DAB1: variants seen among roughly 807,000 people sequenced by gnomAD.
DAB1 encodes the protein DAB adaptor protein 1.
In DAB1, 15 loss-of-function variants were observed where a neutral mutation model predicts 64.6. The observed-to-expected ratio is 0.23, with a 90% CI of 0.16 to 0.36. The LOEUF (loss-of-function observed/expected upper bound fraction) is 0.36. Among genes scored for constraint, DAB1 ranks in the 10% least tolerant of loss-of-function variants. DAB1 has a pLI of 1.00. For synonymous variants in DAB1, 235 were observed against 251.9 expected (o/e 0.93, Z 0.64); for missense variants, 596 against 706.7 (o/e 0.84, Z 1.78).
chr1:57,967,281 T>C (rs925894405), intron 5 of DAB1, among the ~76,000 whole-genome samples: 2 of 152,198 alleles, frequency 1.3e-5, no homozygotes, highest in African/African-American at 4.8e-5. Context: ...GGGTAGTTAC[T>C]TGGTTACACT....
chr1:57,796,681 G>A (rs59589585), intron 6 of DAB1, among the ~76,000 whole-genome samples: 2,108 of 152,278 alleles, frequency 0.014, 49 homozygotes, highest in African/African-American at 0.048. Context: ...GCAAAGGGGA[G>A]CTGAGTCATT....
intron 5 of DAB1, among the ~76,000 whole-genome samples, chr1:57,988,138 T>A (rs993877127): frequency 6.6e-6 from 1 of 152,076 alleles, no homozygotes; most frequent in African/African-American, 2.4e-5. Flanking sequence ...CCTGACCACA[T>A]ACATGCGGCC....
chr1:57,954,474 C>T (rs1182662872), intron 5 of DAB1, among the ~76,000 whole-genome samples: 1 of 152,068 alleles, frequency 6.6e-6, no homozygotes, highest in Non-Finnish European at 1.5e-5. Flanking sequence ...AATGATCATG[C>T]TTCAGCCTCA....
Position 57,517,196 on chromosome 1 carries a change from C to G in DAB1, n.625+132396G>C, listed in dbSNP as rs564656249. ...ATTTTTTTTGAGGCAGGGTCTTGCT[C>G]TGTTGCCCAGGCTGGAGTACAGTGG... is the stretch of plus-strand genomic sequence containing the variant. On this transcript the variant is annotated intron_variant and non_coding_transcript_variant, in intron 7 of 20. Transcript: ENST00000485760. 7.9e-5 allele frequency among the ~76,000 whole-genome samples: 12 copies of G among 151,996 alleles called. No individual in the cohort carries two copies. In the South Asian group the frequency reaches 2.3e-3, roughly 29 times the overall value.
chr1:58,048,505 T>C (rs919041965), intron 5 of DAB1: 39 of 1,323,740 alleles, frequency 2.9e-5, no homozygotes, highest in Non-Finnish European at 4.0e-5. Flanking sequence ...AGCCTCTGCT[T>C]CCTCCAGAGT....
chr1:57,264,097 A>G (rs1670401597), intron 2 of DAB1, among the ~76,000 whole-genome samples: 2 of 152,172 alleles, frequency 1.3e-5, no homozygotes, highest in South Asian at 4.1e-4. Flanking sequence ...GCATTAATCC[A>G]TTTATTAATA....
intron 5 of DAB1, among the ~76,000 whole-genome samples, chr1:58,090,285 A>T (rs1278091888): frequency 6.6e-6 from 1 of 151,934 alleles, no homozygotes; most frequent in Non-Finnish European, 1.5e-5. Context: ...TCATTTAATC[A>T]CTCTATCAAC....
chr1:57,861,253 A>G (rs1375527470), intron 1 of DAB1, among the ~76,000 whole-genome samples: 2 of 152,192 alleles, frequency 1.3e-5, no homozygotes, highest in African/African-American at 2.4e-5. Flanking sequence ...CTTGCTTGCT[A>G]TAACAAAGTA....
intron 1 of DAB1, among the ~76,000 whole-genome samples, chr1:57,409,411 T>C (rs1346286868): frequency 1.3e-5 from 2 of 152,214 alleles, no homozygotes; most frequent in Non-Finnish European, 2.9e-5. Context: ...GAAGTCATGG[T>C]AGTGTGGCTG....
In DAB1 at chr1:58,456,357, C is replaced by G. The variant is rs116560679; in HGVS notation, n.257+49703G>C. On this transcript the variant is annotated intron_variant and non_coding_transcript_variant, in intron 3 of 20. Transcript: ENST00000485760. Reference sequence around the variant, plus strand: ...TACATTCATAATCACTATGTTTTACCGATTTGTCTGGGGGGAGGGTGTGAG... The same window carrying G: ...TACATTCATAATCACTATGTTTTACGGATTTGTCTGGGGGGAGGGTGTGAG... Among the ~76,000 whole-genome samples, 184 of 152,222 alleles carry G rather than the reference C, an allele frequency of 1.2e-3. 2 individuals are homozygous for G. Among genetic ancestry groups the G allele is most frequent in the African/African-American group, 4.4e-3 (181 of 41,516 alleles).
intron 4 of DAB1, among the ~76,000 whole-genome samples, chr1:58,290,307 T>C (rs1392034068): frequency 6.6e-6 from 1 of 152,180 alleles, no homozygotes. Flanking sequence ...TTGATCTGAA[T>C]TGTGAGCAAG....
intron 1 of DAB1, among the ~76,000 whole-genome samples, chr1:57,375,781 T>C (rs1680844610): frequency 6.6e-6 from 1 of 152,192 alleles, no homozygotes; most frequent in Admixed American, 6.5e-5. Context: ...AGAGCAAGTA[T>C]TTTCATTTCT....
At chr1:57,105,006 A>G (rs1240965805) in intron 4 of DAB1, among the ~76,000 whole-genome samples, 1 of 152,174 alleles carries the variant, frequency 6.6e-6, no homozygotes, top group African/African-American at 2.4e-5. Flanking sequence ...GTACCCTTGC[A>G]GTAAACTCCA....
At chr1:57,815,887 G>A (rs1408606781) in intron 6 of DAB1, among the ~76,000 whole-genome samples, 1 of 152,136 alleles carries the variant, frequency 6.6e-6, no homozygotes, top group African/African-American at 2.4e-5. Context: ...TTAAGAACAG[G>A]AACATGATCT....
intron 4 of DAB1, among the ~76,000 whole-genome samples, chr1:58,245,113 GAAC>G (rs1245608703): frequency 3.3e-5 from 5 of 152,194 alleles, no homozygotes; most frequent in African/African-American, 1.2e-4. Context: ...AGATGCAGAA[GAAC>G]AGTACTGGGG....
intron 3 of DAB1, among the ~76,000 whole-genome samples, chr1:57,141,177 G>C (rs1658556574): frequency 6.6e-6 from 1 of 152,068 alleles, no homozygotes; most frequent in African/African-American, 2.4e-5. Flanking sequence ...TTCATTCTAA[G>C]TTTCATTTTT....
At chr1:57,168,650 T>A (rs900874786) in intron 2 of DAB1, among the ~76,000 whole-genome samples, 1 of 152,204 alleles carries the variant, frequency 6.6e-6, no homozygotes, top group Non-Finnish European at 1.5e-5. Flanking sequence ...ATAAATGTAG[T>A]TCCTCCCCAA....
Position 57,410,628 on chromosome 1 carries a change from C to T in DAB1, c.-137+13302G>A, listed in dbSNP as rs147689897. Among the ~76,000 whole-genome samples the T allele has an allele frequency of 5.2e-3, 792 of 152,302 alleles. 7 individuals carry two copies. Among genetic ancestry groups the T allele is most frequent in the African/African-American group, 0.018 (741 of 41,560 alleles). On this transcript the variant is annotated intron_variant, in intron 1 of 14. Coordinates refer to ENST00000371236, the MANE Select transcript of DAB1 (RefSeq NM_001365792.1). ...TCCTCCCTGCCCCTCTTACTCCTAG[C>T]CGTGTTGATTTATGGCTTCTCAAAC...
At chr1:57,683,326 A>G (rs1159340563) in intron 6 of DAB1, among the ~76,000 whole-genome samples, 1 of 152,168 alleles carries the variant, frequency 6.6e-6, no homozygotes, top group Non-Finnish European at 1.5e-5. Context: ...ACATGAGTGC[A>G]GTGTCAGTGA....
Sources: gnomAD v4.1 joint callset for allele counts (sites outside exome capture counted in the v4.1 genomes callset) on GRCh38, gnomAD v4.1.1 for gene constraint, MANE v1.5 for transcripts, NCBI Gene and HGNC (gene_info 2026-07-23, HGNC 2026-07-21) for gene names.